The following GABRG2 variants were observed in gnomAD, a reference collection of about 807,000 sequenced individuals.
The protein encoded by GABRG2 is gamma-aminobutyric acid receptor subunit gamma-2.
A neutral mutation model predicts 56.4 loss-of-function variants in GABRG2; 16 were observed. The observed-to-expected ratio is 0.28, with a 90% CI of 0.19 to 0.43. GABRG2 has a LOEUF of 0.43. Ranked by LOEUF, GABRG2 falls within the 20% of genes least tolerant of loss-of-function variation. The pLI is 1.00. For synonymous variants in GABRG2, 208 were observed against 205.5 expected (o/e 1.01, Z -0.10); for missense variants, 327 against 582.7 (o/e 0.56, Z 4.52).
chr5:162,084,908 T>C (rs565509652), intron 1 of GABRG2, among the ~76,000 whole-genome samples: 1 of 151,998 alleles, frequency 6.6e-6, no homozygotes, highest in South Asian at 2.1e-4. Context: ...TTTGTCACCA[T>C]GTTATCATTA....
chr5:162,114,446 A>G (rs1308246827), intron 6 of GABRG2, among the ~76,000 whole-genome samples: 1 of 152,100 alleles, frequency 6.6e-6, no homozygotes, highest in Admixed American at 6.6e-5. Context: ...CTGAGGCAGG[A>G]GAATCGCTTG....
At chr5:162,072,474 A>G (rs1041961912) in intron 1 of GABRG2, among the ~76,000 whole-genome samples, 59 of 152,200 alleles carry the variant, frequency 3.9e-4, no homozygotes, top group Non-Finnish European at 7.1e-4. Flanking sequence ...TGTCGGCACA[A>G]TTCAAATGCT....
At chr5:162,139,432 T>C (rs1312723182) in intron 6 of GABRG2, among the ~76,000 whole-genome samples, 1 of 152,212 alleles carries the variant, frequency 6.6e-6, no homozygotes, top group African/African-American at 2.4e-5. Flanking sequence ...TGAAGCTGCT[T>C]TGCTTTTAAT....
At chr5:162,149,401 A>G (rs1581454379) in intron 8 of GABRG2, 88 bp downstream of exon 8, 1 of 1,285,432 alleles carries the variant, frequency 7.8e-7, no homozygotes, top group East Asian at 2.4e-5. Context: ...GCTAAGGCTC[A>G]GCAGTTTGGG....
intron 6 of GABRG2, among the ~76,000 whole-genome samples, chr5:162,139,248 T>C (rs941004367): frequency 6.6e-6 from 1 of 152,240 alleles, no homozygotes; most frequent in African/African-American, 2.4e-5. Flanking sequence ...AAATCTGAAG[T>C]GGCAGAAGTA....
intron 6 of GABRG2, among the ~76,000 whole-genome samples, chr5:162,109,272 T>C (rs2113405306): frequency 6.6e-6 from 1 of 151,490 alleles, no homozygotes; most frequent in East Asian, 1.9e-4. Context: ...GGGATAGCAT[T>C]AGGAAATATA....
intron 6 of GABRG2, among the ~76,000 whole-genome samples, chr5:162,115,796 CT>C (rs1383356074): frequency 6.6e-6 from 1 of 151,906 alleles, no homozygotes; most frequent in Non-Finnish European, 1.5e-5. Flanking sequence ...TTGTATAGTC[CT>C]GTGAGTCGGC....
In GABRG2 at chr5:162,142,432, A is replaced by G. The variant is rs1028916391; in HGVS notation, c.922+116A>G. ...ATTTAGCCTGCAATTGCATAGAAAT[A>G]CCATTTGTTTCATATTCAAGAGAAC... On this transcript the variant is annotated intron_variant, in intron 7 of 9. Transcript: ENST00000639213. 4 of 1,093,458 alleles carry G rather than the reference A, an allele frequency of 3.7e-6. No homozygotes were observed. The African/African-American group carries it at 4.6e-5, about 13-fold the overall frequency. 67.7% of individuals were successfully genotyped at this position (1,093,458 alleles called of 1,614,324 possible). A position where few individuals can be genotyped will look rare whatever the true frequency, so the allele number is the denominator to read the frequency against.
chr5:162,092,614 T>C (rs1027107790), intron 1 of GABRG2, among the ~76,000 whole-genome samples: 2 of 152,142 alleles, frequency 1.3e-5, no homozygotes, highest in African/African-American at 4.8e-5. Context: ...TTTAACTACA[T>C]TGTACATGTA....
At position 162,101,316 on chromosome 5, in the gene GABRG2, T is replaced by C. The variant is rs906971953; in HGVS notation, c.630T>C (p.Ser210=). The change falls in exon 5 of 10, where the codon AGT becomes AGC. Residue 210 remains serine (S), a splice_region_variant and synonymous_variant. Coordinates refer to ENST00000639213, the MANE Select transcript of GABRG2 (RefSeq NM_198904.4). ...DEHSCPLEFS[S]YGYPREEIVY... ...ACTCCTGCCCCTTGGAGTTCTCCAG[T>C]TGTAAGTAATATTCCTTCTCCATTT... The C allele has an allele frequency of 1.9e-6, 3 of 1,590,388 alleles. No individual in the cohort carries two copies. The highest frequency in any genetic ancestry group is 2.7e-5 in the African/African-American group (2 of 74,128).
At chr5:162,132,450 C>A (rs1403026271) in intron 6 of GABRG2, among the ~76,000 whole-genome samples, 1 of 151,976 alleles carries the variant, frequency 6.6e-6, no homozygotes, top group African/African-American at 2.4e-5. Flanking sequence ...GCAGTCTCAT[C>A]ATTTCTATGT....
chr5:162,126,353 C>T (rs561635346), intron 6 of GABRG2, among the ~76,000 whole-genome samples: 15 of 152,066 alleles, frequency 9.9e-5, no homozygotes, highest in South Asian at 8.3e-4. Flanking sequence ...CAGTGTTCCA[C>T]CCACCAGTGG....
chr5:162,137,624 A>G (rs1015606052), intron 6 of GABRG2, among the ~76,000 whole-genome samples: 6 of 152,042 alleles, frequency 3.9e-5, no homozygotes, highest in African/African-American at 1.2e-4. Flanking sequence ...TAGCCTTTGA[A>G]TTCTTATTTA....
chr5:162,098,821 A>G (rs1259308141), intron 4 of GABRG2: 2 of 152,148 alleles, frequency 1.3e-5, no homozygotes, highest in East Asian at 1.9e-4. Context: ...AGAAAGCACA[A>G]CCATGCTGTC....
rs149058428 is a variant in GABRG2 at position 162,072,831 on chromosome 5, A to G, written c.107+4725A>G. On this transcript the variant is annotated intron_variant, in intron 1 of 9. Transcript: ENST00000639213. ...ACTTAAACATAATAGATTAGAAGCAACATACTATAATAAGTATGAATGTGG... is the reference window on the plus strand; with the variant it reads ...ACTTAAACATAATAGATTAGAAGCAGCATACTATAATAAGTATGAATGTGG... 6.0e-3 allele frequency among the ~76,000 whole-genome samples: 905 copies of G among 152,082 alleles called. 9 individuals carry two copies. The highest frequency in any genetic ancestry group is 0.021 in the African/African-American group (860 of 41,542).
At chr5:162,142,804 A>G in intron 7 of GABRG2, 1 of 244,732 alleles carries the variant, frequency 4.1e-6, no homozygotes, top group South Asian at 5.6e-5. Context: ...ATGTTAAATG[A>G]CGAGTTAATG....
intron 6 of GABRG2, among the ~76,000 whole-genome samples, chr5:162,139,917 G>C (rs917474704): frequency 1.3e-5 from 2 of 152,026 alleles, no homozygotes; most frequent in Non-Finnish European, 2.9e-5. Context: ...TTTGCCTTTA[G>C]TATTCTGATC....
At chr5:162,070,147 A>G (rs1466541903) in intron 1 of GABRG2, among the ~76,000 whole-genome samples, 2 of 152,178 alleles carry the variant, frequency 1.3e-5, no homozygotes, top group African/African-American at 4.8e-5. Context: ...AGTAAATTTG[A>G]TGATACATTT....
Position 162,101,250 on chromosome 5 carries a change from T to C in GABRG2, c.564T>C (p.Ala188=). Residue 188 remains alanine, a synonymous_variant, in exon 5 of 10, where the codon GCT becomes GCC. Transcript: ENST00000639213. The part of the protein sequence containing the change: ...VLYTLRLTID[A]ECQLQLHNFP... ...TTCTACTTAGGTTGACAATTGATGC[T>C]GAGTGCCAATTACAATTGCACAACT... is the stretch of plus-strand genomic sequence containing the variant. 1 of 1,608,344 alleles carries C rather than the reference T, an allele frequency of 6.2e-7. No homozygotes were observed. The highest frequency in any genetic ancestry group is 8.5e-7 in the Non-Finnish European group (1 of 1,175,054).
Sources: allele counts gnomAD v4.1 joint callset (sites outside exome capture counted in the v4.1 genomes callset), GRCh38; gene constraint gnomAD v4.1.1; transcripts MANE v1.5; gene names NCBI Gene and HGNC (gene_info 2026-07-23, HGNC 2026-07-21).